BRIP1: variants seen among roughly 807,000 people sequenced by gnomAD.
BRIP1 encodes BRCA1 interacting DNA helicase 1, also known as Fanconi anemia group J protein.
Under a neutral mutation model 119.7 loss-of-function variants are expected in BRIP1, and 88 were observed. The ratio of observed to expected loss-of-function variants is 0.74; its 90% CI spans 0.62 to 0.88. The LOEUF (loss-of-function observed/expected upper bound fraction) is 0.88. Among genes scored for constraint, BRIP1 ranks in the 40% least tolerant of loss-of-function variants. The pLI, the probability that BRIP1 is intolerant of heterozygous loss-of-function variation, is 0.00. For missense variants in BRIP1, 1,259 were observed against 1,455.4 expected (o/e 0.87, Z 2.20); for synonymous variants, 443 against 496.5 (o/e 0.89, Z 1.43).
rs1004462006 is a variant in BRIP1, at chr17:61,827,340, G to A, written c.628-18583C>T. ...TGGGTACTAGGCTTAATACCTGGGT[G>A]ACAAAATAATCTGTACAACAAACCA... On this transcript the variant is annotated intron_variant, in intron 6 of 19. Transcript: ENST00000259008. The surrounding 1 kb of genome is among the most constrained non-coding windows in gnomAD (Gnocchi z 5.8). Among the ~76,000 whole-genome samples the A allele has an allele frequency of 6.6e-6, 1 of 152,100 alleles. No homozygotes were observed. Among genetic ancestry groups the A allele is most frequent in the African/African-American group, 2.4e-5 (1 of 41,412 alleles).
intron 6 of BRIP1, among the ~76,000 whole-genome samples, chr17:61,836,030 A>C (rs2078567077): frequency 1.3e-5 from 2 of 152,084 alleles, no homozygotes; most frequent in African/African-American, 4.8e-5. Context: ...GATGGGGTTA[A>C]CATAAGGGAG....
Position 61,808,869 on chromosome 17 carries a change from G to A in BRIP1, c.628-112C>T. On this transcript the variant is annotated intron_variant, in intron 6 of 19. Transcript: ENST00000259008. This position sits in a 1 kb window ranked among gnomAD's most constrained non-coding sequence, Gnocchi z 4.1. ...TAATGAATCACAATGGTCAAATAAA[G>A]AGAAATAACAAGAAATTATAGTATC... The A allele has an allele frequency of 9.1e-7, 1 of 1,104,256 alleles. No individual in the cohort carries two copies. The highest frequency in any genetic ancestry group is 2.5e-5 in the East Asian group (1 of 40,084). 68.4% of individuals were successfully genotyped at this position (1,104,256 alleles called of 1,614,324 possible).
rs1424282420 is a variant in BRIP1 at position 61,715,939 on chromosome 17, C to A, written c.2492+12G>T. 1.3e-6 allele frequency: 2 copies of A among 1,501,106 alleles called. No homozygotes were observed. The highest frequency in any genetic ancestry group is 2.3e-5 in the South Asian group (2 of 87,776). 93.0% of individuals were successfully genotyped at this position (1,501,106 alleles called of 1,614,324 possible). ...TCACAGATAATATTATATTAAATTT[C>A]ACTCCACTTACCTACCAAGGGCCTG... On this transcript the variant is annotated intron_variant, in intron 17 of 19. Coordinates refer to ENST00000259008, the MANE Select transcript of BRIP1 (RefSeq NM_032043.3).
Position 61,857,183 on chromosome 17 carries a change from G to T in BRIP1, c.254C>A (p.Ser85Ter). Residue 85 changes from serine (S) to a stop codon, truncating the protein, a stop_gained, in exon 4 of 20, where the codon TCA becomes TAA. Transcript: ENST00000259008. LOFTEE classifies it high-confidence loss of function. This position sits in a 1 kb window ranked among gnomAD's most constrained non-coding sequence, Gnocchi z 5.1. ...CTTTGAATGGCATGCACAACAACAT[G>T]ACAATTGTACTTCAGCTTTTTCACT... The part of the protein sequence containing the change: ...GVSEKAEVQL[S>*]CCCACHSKDF... The T allele has an allele frequency of 6.2e-7, 1 of 1,614,108 alleles. No homozygotes were observed. The highest frequency in any genetic ancestry group is 8.5e-7 in the Non-Finnish European group (1 of 1,179,962).
intron 4 of BRIP1, among the ~76,000 whole-genome samples, chr17:61,855,567 A>G (rs2078884383): frequency 7.3e-6 from 1 of 137,798 alleles, no homozygotes; most frequent in African/African-American, 2.7e-5. Context: ...CAACAGAGTG[A>G]GATTCTGTCT....
rs1372482002 is a variant in BRIP1 at position 61,708,067 on chromosome 17, A to C, written c.2492+7884T>G. ...TCACCATGTTGGCCAGGCTGGTCTC[A>C]AACTGCTGACCTCAAGTGATCATTT... On this transcript the variant is annotated intron_variant, in intron 17 of 19. Coordinates refer to ENST00000259008, the MANE Select transcript of BRIP1 (RefSeq NM_032043.3). The surrounding 1 kb of genome is among the most constrained non-coding windows in gnomAD (Gnocchi z 4.4). 6.6e-6 allele frequency among the ~76,000 whole-genome samples: 1 copy of C among 152,030 alleles called. No homozygotes were observed. Among genetic ancestry groups the C allele is most frequent in the Non-Finnish European group, 1.5e-5 (1 of 67,994 alleles).
chr17:61,731,526 T>C (rs943580656), intron 16 of BRIP1, among the ~76,000 whole-genome samples: 11 of 152,250 alleles, frequency 7.2e-5, no homozygotes, highest in African/African-American at 2.2e-4. Flanking sequence ...TGCCATTCTC[T>C]CAGACTCACA....
Position 61,808,829 on chromosome 17 carries a change from A to G in BRIP1, c.628-72T>C. ...AAAACGTTATCAAACCTCACATGGAATCAGAACCTGTAAGTAATGAATCAC... is the reference window on the plus strand; with the variant it reads ...AAAACGTTATCAAACCTCACATGGAGTCAGAACCTGTAAGTAATGAATCAC... On this transcript the variant is annotated intron_variant, in intron 6 of 19. Coordinates refer to ENST00000259008, the MANE Select transcript of BRIP1 (RefSeq NM_032043.3). The surrounding 1 kb of genome is among the most constrained non-coding windows in gnomAD (Gnocchi z 4.1). 1 of 1,433,512 alleles carries G rather than the reference A, an allele frequency of 7.0e-7. No individual in the cohort carries two copies. Among genetic ancestry groups the G allele is most frequent in the Non-Finnish European group, 9.7e-7 (1 of 1,032,678 alleles). 88.8% of individuals were successfully genotyped at this position (1,433,512 alleles called of 1,614,324 possible).
rs1219229084 is a variant in BRIP1, at chr17:61,825,637, A to C, written c.628-16880T>G. On this transcript the variant is annotated intron_variant, in intron 6 of 19. Transcript: ENST00000259008. The surrounding 1 kb of genome is among the most constrained non-coding windows in gnomAD (Gnocchi z 4.1). ...ACAATTGCCACAAATAAATAAATAA[A>C]TAAATAAATAAATAAATAAATAAAT... is the stretch of plus-strand genomic sequence containing the variant. 1.3e-5 allele frequency among the ~76,000 whole-genome samples: 2 copies of C among 149,540 alleles called. No homozygotes were observed. Among genetic ancestry groups the C allele is most frequent in the Non-Finnish European group, 3.0e-5 (2 of 67,262 alleles).
In BRIP1 at chr17:61,681,303, C is replaced by T. The variant is rs926666629; in HGVS notation, c.*1993G>A. The T allele has an allele frequency of 5.3e-5, 11 of 206,416 alleles. No individual in the cohort carries two copies. Among genetic ancestry groups the T allele is most frequent in the Non-Finnish European group, 4.0e-5 (4 of 101,220 alleles). 12.8% of individuals were successfully genotyped at this position (206,416 alleles called of 1,614,324 possible). A position where few individuals can be genotyped will look rare whatever the true frequency, so the allele number is the denominator to read the frequency against. ...ATGAAATAATATGCTTTATTTTAACCGTTCTGGAACAAAAGCAAATGAAAA... is the reference window on the plus strand; with the variant it reads ...ATGAAATAATATGCTTTATTTTAACTGTTCTGGAACAAAAGCAAATGAAAA... On this transcript the variant is annotated 3_prime_UTR_variant, in exon 20 of 20. Coordinates refer to ENST00000259008, the MANE Select transcript of BRIP1 (RefSeq NM_032043.3). This position sits in a 1 kb window ranked among gnomAD's most constrained non-coding sequence, Gnocchi z 5.1.
At position 61,842,513 on chromosome 17, in the gene BRIP1, C is replaced by T. The variant is rs1259167984; in HGVS notation, c.627+4588G>A. On this transcript the variant is annotated intron_variant, in intron 6 of 19. Transcript: ENST00000259008. The surrounding 1 kb of genome is among the most constrained non-coding windows in gnomAD (Gnocchi z 5.1). ...GATATGTTAATTACTCTGATTTGAT[C>T]ATTACACATCATATACATGTATGAA... Among the ~76,000 whole-genome samples, 1 of 152,156 alleles carries T rather than the reference C, an allele frequency of 6.6e-6. No homozygotes were observed. Among genetic ancestry groups the T allele is most frequent in the Non-Finnish European group, 1.5e-5 (1 of 68,036 alleles).
Position 61,831,723 on chromosome 17 carries a change from C to T in BRIP1, c.627+15378G>A. On this transcript the variant is annotated intron_variant, in intron 6 of 19. Transcript: ENST00000259008. The surrounding 1 kb of genome is among the most constrained non-coding windows in gnomAD (Gnocchi z 4.1). ...TGGTGTACAAGTATCTGAGTACCTG[C>T]TTTCAATTCTTTTGGATATTTGCCT... 6.6e-6 allele frequency among the ~76,000 whole-genome samples: 1 copy of T among 152,176 alleles called. No individual in the cohort carries two copies. The highest frequency in any genetic ancestry group is 1.9e-4 in the East Asian group (1 of 5,194).
In BRIP1 at chr17:61,739,109, G is replaced by A. The variant is rs764719728; in HGVS notation, c.2379+3904C>T. 1 of 176,590 alleles carries A rather than the reference G, an allele frequency of 5.7e-6. No homozygotes were observed. The highest frequency in any genetic ancestry group is 1.2e-5 in the Non-Finnish European group (1 of 82,114). The allele number at this position is 176,590 out of a possible 1,614,324, so 10.9% of individuals were successfully genotyped here. The stretch of plus-strand genomic sequence containing the variant: ...TATTAAGATATTGGAAGAAGATGTG[G>A]TCTAAAGAAGGGAAAAGGATTCTTT... On this transcript the variant is annotated intron_variant, in intron 16 of 19. Coordinates refer to ENST00000259008, the MANE Select transcript of BRIP1 (RefSeq NM_032043.3). The surrounding 1 kb of genome is among the most constrained non-coding windows in gnomAD (Gnocchi z 6.0).
At position 61,808,160 on chromosome 17, in the gene BRIP1, A is replaced by C. The variant is rs985541493; in HGVS notation, c.918+307T>G. 6.6e-6 allele frequency among the ~76,000 whole-genome samples: 1 copy of C among 152,136 alleles called. No homozygotes were observed. The highest frequency in any genetic ancestry group is 1.5e-5 in the Non-Finnish European group (1 of 68,018). On this transcript the variant is annotated intron_variant, in intron 7 of 19. Transcript: ENST00000259008. This position sits in a 1 kb window ranked among gnomAD's most constrained non-coding sequence, Gnocchi z 4.1. ...ACCATTTAAACACTTCTATCTCCTC[A>C]TATGATATCATCCAAGTTTGACTAT...
Position 61,740,842 on chromosome 17 carries a change from A to G in BRIP1, c.2379+2171T>C, listed in dbSNP as rs8070507. Among the ~76,000 whole-genome samples the G allele has an allele frequency of 0.019, 2,948 of 152,328 alleles. 109 individuals are homozygous for G. Among genetic ancestry groups the G allele is most frequent in the African/African-American group, 0.067 (2,797 of 41,556 alleles). On this transcript the variant is annotated intron_variant, in intron 16 of 19. Coordinates refer to ENST00000259008, the MANE Select transcript of BRIP1 (RefSeq NM_032043.3). The surrounding 1 kb of genome is among the most constrained non-coding windows in gnomAD (Gnocchi z 5.4). ...TTTGCTGGTAGAGGGTCTTGCCTCA[A>G]TGATGACTGCTGACTGATCAGGGTG...
Position 61,738,473 on chromosome 17 carries a change from T to C in BRIP1, c.2379+4540A>G, listed in dbSNP as rs535438408. Among the ~76,000 whole-genome samples the C allele has an allele frequency of 4.5e-4, 69 of 152,292 alleles. No individual in the cohort carries two copies. The highest frequency in any genetic ancestry group is 7.9e-4 in the Non-Finnish European group (54 of 68,024). The stretch of plus-strand genomic sequence containing the variant: ...CTTCCTCCCCTCTACCCAGAACCCA[T>C]TGATGCTTCTGTTATTTTGCTGTTT... On this transcript the variant is annotated intron_variant, in intron 16 of 19. Coordinates refer to ENST00000259008, the MANE Select transcript of BRIP1 (RefSeq NM_032043.3). This position sits in a 1 kb window ranked among gnomAD's most constrained non-coding sequence, Gnocchi z 4.2.
chr17:61,793,517 T>C lies in BRIP1; in HGVS notation c.1473+80A>G. On this transcript the variant is annotated intron_variant, in intron 10 of 19. Transcript: ENST00000259008. The surrounding 1 kb of genome is among the most constrained non-coding windows in gnomAD (Gnocchi z 5.2). ...TATTTAACAATTCTGGGTTACTCAC[T>C]AGATTTAATCTGGATTTAGTCACGA... The C allele has an allele frequency of 7.3e-7, 1 of 1,367,628 alleles. No homozygotes were observed. The highest frequency in any genetic ancestry group is 1.0e-6 in the Non-Finnish European group (1 of 989,594). The allele number at this position is 1,367,628 out of a possible 1,614,324, so 84.7% of individuals were successfully genotyped here. A position where few individuals can be genotyped will look rare whatever the true frequency, so the allele number is the denominator to read the frequency against.
At chr17:61,850,308 G>T (rs969012612) in intron 4 of BRIP1, among the ~76,000 whole-genome samples, 2 of 151,680 alleles carry the variant, frequency 1.3e-5, no homozygotes, top group Admixed American at 1.3e-4. Flanking sequence ...CTCCATGTTG[G>T]TCAGGCTGGT....
chr17:61,793,151 G>T lies in BRIP1; in HGVS notation c.1473+446C>A, dbSNP rs189712909. On this transcript the variant is annotated intron_variant, in intron 10 of 19. Coordinates refer to ENST00000259008, the MANE Select transcript of BRIP1 (RefSeq NM_032043.3). The surrounding 1 kb of genome is among the most constrained non-coding windows in gnomAD (Gnocchi z 5.2). ...TTTAGAAAAATGTACAAAAGGATAC[G>T]CTCATAAAATTTTGCATATAGCTTC... is the stretch of plus-strand genomic sequence containing the variant. 6.6e-6 allele frequency among the ~76,000 whole-genome samples: 1 copy of T among 151,964 alleles called. No individual in the cohort carries two copies. The highest frequency in any genetic ancestry group is 2.4e-5 in the African/African-American group (1 of 41,382).
Sources: allele counts gnomAD v4.1 joint callset (sites outside exome capture counted in the v4.1 genomes callset), GRCh38; gene constraint gnomAD v4.1.1; non-coding constraint Gnocchi (gnomAD v3.1); transcripts MANE v1.5; gene names NCBI Gene and HGNC (gene_info 2026-07-23, HGNC 2026-07-21).